Variants in MPP2 observed in about 807,000 individuals in gnomAD.
The protein encoded by MPP2 is MAGUK p55 scaffold protein 2.
MPP2 carries 42 observed loss-of-function variants against 58.5 expected under a neutral mutation model. That is an observed-to-expected ratio of 0.72 (90% CI 0.56 to 0.93). MPP2 has a LOEUF of 0.93. Ranked by LOEUF, MPP2 falls within the 40% of genes least tolerant of loss-of-function variation. The pLI is 0.00. For synonymous variants in MPP2, 300 were observed against 307.8 expected (o/e 0.97, Z 0.26); for missense variants, 632 against 760.4 (o/e 0.83, Z 1.99).
rs2046936448 is a variant in MPP2 at position 43,878,267 on chromosome 17, ATTCTT to A, written c.1483-289_1483-285del. 3.3e-5 allele frequency among the ~76,000 whole-genome samples: 5 copies of A among 152,250 alleles called. No individual in the cohort carries two copies. In the South Asian group the frequency reaches 1.0e-3, roughly 31 times the overall value. On this transcript the variant is annotated intron_variant, in intron 12 of 12. Coordinates refer to ENST00000269095, the MANE Select transcript of MPP2 (RefSeq NM_005374.5). ...ACTACAGCTCTGCAAGATAGGATTA[ATTCTT>A]TCCCATTTATAGCAGAGAAAATGAA...
intron 7 of MPP2, 54 bp from the exon 8 acceptor site, chr17:43,881,403 C>T: frequency 2.5e-6 from 4 of 1,613,876 alleles, no homozygotes; most frequent in Non-Finnish European, 3.4e-6. Flanking sequence ...CCTCCCTGTG[C>T]CCTCGCCCTC....
At chr17:43,890,260 C>T (rs2047551694) in intron 3 of MPP2, among the ~76,000 whole-genome samples, 1 of 152,012 alleles carries the variant, frequency 6.6e-6, no homozygotes, top group South Asian at 2.1e-4. Context: ...TCTTCTTTTT[C>T]ATGTTAAGTG....
At chr17:43,901,301 C>T in intron 2 of MPP2, 1 of 985,588 alleles carries the variant, frequency 1.0e-6, no homozygotes, top group Non-Finnish European at 1.2e-6. Flanking sequence ...CTCACAGCAG[C>T]TTCTTCCCCT....
chr17:43,885,266 C>T (rs1302375492), intron 3 of MPP2, among the ~76,000 whole-genome samples: 2 of 151,728 alleles, frequency 1.3e-5, no homozygotes, highest in Non-Finnish European at 2.9e-5. Context: ...CTTCGTTGAC[C>T]CAGTTTATCC....
At chr17:43,900,568 CG>C in intron 2 of MPP2, 3 of 1,539,936 alleles carry the variant, frequency 1.9e-6, no homozygotes, top group Non-Finnish European at 2.6e-6. Context: ...CCCCCAGACC[CG>C]GGGACTCCCG....
rs2047235363 is a variant in MPP2, at chr17:43,883,446, TCCCCATCCCACC to T, written c.151-103_151-92del. The stretch of plus-strand genomic sequence containing the variant: ...GTCCTCCCTCAGCCCCCAGGCATTT[TCCCCATCCCACC>T]CCCCAGCCCCCAGCTTCAGCTCCTC... On this transcript the variant is annotated intron_variant, in intron 3 of 12. Transcript: ENST00000269095. 4.9e-6 allele frequency: 7 copies of T among 1,424,956 alleles called. No homozygotes were observed. The Admixed American group carries it at 9.1e-5, about 18-fold the overall frequency. 88.3% of individuals were successfully genotyped at this position (1,424,956 alleles called of 1,614,324 possible).
At chr17:43,902,496 C>A (rs1296384807) in intron 2 of MPP2, among the ~76,000 whole-genome samples, 1 of 152,148 alleles carries the variant, frequency 6.6e-6, no homozygotes, top group Non-Finnish European at 1.5e-5. Flanking sequence ...GCAGGGAGAC[C>A]CCAGGGAGCC....
chr17:43,907,392 A>G (rs1001165263), intron 1 of MPP2, 82 bp downstream of exon 1: 5 of 985,522 alleles, frequency 5.1e-6, no homozygotes, highest in African/African-American at 1.7e-5. Flanking sequence ...CCCAGTGAAT[A>G]GGGTCCTAAG....
chr17:43,892,980 TTTGATGGA>T (rs1050074253), intron 3 of MPP2, among the ~76,000 whole-genome samples: 1 of 141,468 alleles, frequency 7.1e-6, no homozygotes, highest in Admixed American at 7.2e-5. Context: ...AAAATAGGTA[TTTGATGGA>T]TGGATGGATG....
chr17:43,881,180 A>G, intron 8 of MPP2, 22 bp from the exon 9 acceptor site: 1 of 1,613,692 alleles, frequency 6.2e-7, no homozygotes, highest in Non-Finnish European at 8.5e-7. Context: ...GAGATGGGTG[A>G]GTGAGGCAGA....
Position 43,882,994 on chromosome 17 carries a change from CT to C in MPP2, c.361del (p.Ser121AlafsTer33). 7 of 1,610,256 alleles carry C rather than the reference CT, an allele frequency of 4.3e-6. No homozygotes were observed. The highest frequency in any genetic ancestry group is 5.9e-6 in the Non-Finnish European group (7 of 1,176,934). The part of the protein sequence containing the change: ...ASKTYETPPP[S>X]PGLDPTFSNQ... ...GCTGAATGTAGGGTCCAGGCCAGGG[CT>C]GGGGGGTGGTGTCTCATAGGTCTTT... is the stretch of plus-strand genomic sequence containing the variant. On this transcript the variant is annotated frameshift_variant, in exon 5 of 13. Coordinates refer to ENST00000269095, the MANE Select transcript of MPP2 (RefSeq NM_005374.5). LOFTEE classifies it high-confidence loss of function.
intron 2 of MPP2, among the ~76,000 whole-genome samples, chr17:43,902,036 G>A (rs907314865): frequency 1.3e-5 from 2 of 152,182 alleles, no homozygotes; most frequent in African/African-American, 4.8e-5. Flanking sequence ...TATCCTGTGG[G>A]AAGTATAATG....
At chr17:43,891,065 C>T (rs1462036729) in intron 3 of MPP2, among the ~76,000 whole-genome samples, 1 of 152,152 alleles carries the variant, frequency 6.6e-6, no homozygotes, top group Admixed American at 6.5e-5. Flanking sequence ...CTTGTCATGT[C>T]CCCTTGTCAG....
chr17:43,880,352 TG>T lies in MPP2; in HGVS notation c.1150+338del, dbSNP rs759586967. ...CGCTGTTTCTGCCACTAAGAAGCCC[TG>T]TCTTCCACAAGGCTACACACATGCA... On this transcript the variant is annotated intron_variant, in intron 10 of 12. Transcript: ENST00000269095. This position sits in a 1 kb window ranked among gnomAD's most constrained non-coding sequence, Gnocchi z 5.2. 1.6e-4 allele frequency among the ~76,000 whole-genome samples: 24 copies of T among 152,316 alleles called. No homozygotes were observed. The highest frequency in any genetic ancestry group is 3.1e-4 in the Non-Finnish European group (21 of 68,010).
Position 43,900,535 on chromosome 17 carries a change from G to GC in MPP2, c.32-2156dup, listed in dbSNP as rs1348940792. 8 of 1,546,636 alleles carry GC rather than the reference G, an allele frequency of 5.2e-6. No homozygotes were observed. The African/African-American group carries it at 1.1e-4, about 21-fold the overall frequency. ...ATATACCCTCCAAGGAGACCCCGCT[G>GC]CCTGGGCTGCCTGCCATGGCGGCCC... On this transcript the variant is annotated intron_variant, in intron 2 of 12. Transcript: ENST00000269095.
intron 3 of MPP2, among the ~76,000 whole-genome samples, chr17:43,890,498 C>A (rs2047559693): frequency 1.3e-5 from 2 of 152,180 alleles, no homozygotes; most frequent in African/African-American, 4.8e-5. Flanking sequence ...ACAGTCATTT[C>A]ACTGAAAAGT....
rs138151920 is a variant in MPP2, at chr17:43,888,331, G to T, written c.151-4976C>A. 5.3e-5 allele frequency among the ~76,000 whole-genome samples: 8 copies of T among 152,330 alleles called. No homozygotes were observed. In the East Asian group the frequency reaches 1.5e-3, roughly 29 times the overall value. Reference sequence around the variant, plus strand: ...GGAAACAGACAACTGATGGGGCAGAGGAGTAGCATTTGGGGAAAGGAACAA... The same window carrying T: ...GGAAACAGACAACTGATGGGGCAGATGAGTAGCATTTGGGGAAAGGAACAA... On this transcript the variant is annotated intron_variant, in intron 3 of 12. Transcript: ENST00000269095.
chr17:43,882,434 G>A lies in MPP2; in HGVS notation c.531C>T (p.Gly177=), dbSNP rs1275609787. 1.9e-6 allele frequency: 3 copies of A among 1,610,142 alleles called. No homozygotes were observed. The highest frequency in any genetic ancestry group is 2.7e-5 in the African/African-American group (2 of 74,918). The part of the protein sequence containing the change: ...ILHGGMVAQQ[G]LLHVGDIIKE... Reference sequence around the variant, plus strand: ...TGATGATGTCACCCACATGCAGCAGGCCTTGTTGAGCCACCATGCCCCCAT... The same window carrying A: ...TGATGATGTCACCCACATGCAGCAGACCTTGTTGAGCCACCATGCCCCCAT... The change falls in exon 6 of 13, where the codon GGC becomes GGT. Residue 177 remains glycine (G), a synonymous_variant. Coordinates refer to ENST00000269095, the MANE Select transcript of MPP2 (RefSeq NM_005374.5).
intron 3 of MPP2, among the ~76,000 whole-genome samples, chr17:43,890,996 G>A (rs1597787887): frequency 2.0e-5 from 3 of 152,160 alleles, no homozygotes; most frequent in East Asian, 1.9e-4. Flanking sequence ...GACACAGCAC[G>A]ATGGTTTGTT....
Sources: gnomAD v4.1 joint callset for allele counts (sites outside exome capture counted in the v4.1 genomes callset) on GRCh38, gnomAD v4.1.1 for gene constraint, Gnocchi (gnomAD v3.1) non-coding constraint, MANE v1.5 for transcripts, NCBI Gene and HGNC (gene_info 2026-07-23, HGNC 2026-07-21) for gene names.